BTRC: variants seen among roughly 807,000 people sequenced by gnomAD.
BTRC encodes the protein F-box/WD repeat-containing protein 1A.
Under a neutral mutation model 85.5 loss-of-function variants are expected in BTRC, and 42 were observed. That is an observed-to-expected ratio of 0.49 (90% CI 0.38 to 0.64). The LOEUF is 0.64. Ranked by LOEUF, BTRC falls within the 30% of genes least tolerant of loss-of-function variation. The probability of loss-of-function intolerance (pLI) is 0.00; values close to 1 mark genes in which losing one functional copy is unlikely to be tolerated. For missense variants in BTRC, 594 were observed against 743.5 expected, an observed-to-expected ratio of 0.80 and a Z score of 2.34; for synonymous variants, 255 against 263.3, an observed-to-expected ratio of 0.97 and a Z score of 0.30.
intron 3 of BTRC, among the ~76,000 whole-genome samples, chr10:101,470,573 G>A (rs1344374980): frequency 2.0e-5 from 3 of 151,958 alleles, no homozygotes; most frequent in Non-Finnish European, 4.4e-5. Context: ...CAGGTGATCC[G>A]ACCGCCTCAG....
At chr10:101,366,888 T>TAATA (rs1942423736) in intron 1 of BTRC, among the ~76,000 whole-genome samples, 1 of 24,648 alleles carries the variant, frequency 4.1e-5, no homozygotes, top group Non-Finnish European at 9.1e-5. Flanking sequence ...TTATATATAT[T>TAATA]TATATATATT....
intron 13 of BTRC, among the ~76,000 whole-genome samples, chr10:101,543,260 T>C (rs2062499641): frequency 6.6e-6 from 1 of 152,216 alleles, no homozygotes; most frequent in South Asian, 2.1e-4. Context: ...TTTTTAACAT[T>C]ATGAAATGTC....
chr10:101,457,470 A>G (rs762041956), intron 2 of BTRC, among the ~76,000 whole-genome samples: 1 of 152,224 alleles, frequency 6.6e-6, no homozygotes, highest in African/African-American at 2.4e-5. Context: ...AAAGGTGCAC[A>G]ATTGAAAACT....
chr10:101,391,951 G>A (rs924337859), intron 1 of BTRC, among the ~76,000 whole-genome samples: 4 of 152,116 alleles, frequency 2.6e-5, no homozygotes, highest in African/African-American at 9.7e-5. Context: ...TTAGAGAAGA[G>A]TCAATTGACA....
At chr10:101,529,777 G>A (rs2062252662) in intron 6 of BTRC, among the ~76,000 whole-genome samples, 1 of 152,178 alleles carries the variant, frequency 6.6e-6, no homozygotes, top group Non-Finnish European at 1.5e-5. Context: ...GGAGAGGGCA[G>A]GGGAGAAACA....
chr10:101,417,828 A>G (rs1477531635), intron 1 of BTRC, among the ~76,000 whole-genome samples: 2 of 152,070 alleles, frequency 1.3e-5, no homozygotes, highest in African/African-American at 4.8e-5. Flanking sequence ...GCGTGTCACC[A>G]TGGCTTCTTT....
chr10:101,470,329 C>CTTTTTTTTTTTT (rs950644281), intron 3 of BTRC, among the ~76,000 whole-genome samples: 13 of 94,896 alleles, frequency 1.4e-4, no homozygotes, highest in Admixed American at 2.2e-4. Flanking sequence ...ATTTTTCTTT[C>CTTTTTTTTTTTT]TTTTTTTTTT....
intron 4 of BTRC, among the ~76,000 whole-genome samples, chr10:101,516,473 A>G: frequency 6.6e-6 from 1 of 152,166 alleles, no homozygotes; most frequent in East Asian, 1.9e-4. Context: ...CCCATTTGTT[A>G]ATGGATCTCA....
intron 4 of BTRC, among the ~76,000 whole-genome samples, chr10:101,484,878 A>G (rs894989047): frequency 1.3e-5 from 2 of 152,234 alleles, no homozygotes; most frequent in African/African-American, 4.8e-5. Flanking sequence ...TTACAGAGAT[A>G]TACACAGTTA....
intron 1 of BTRC, among the ~76,000 whole-genome samples, chr10:101,390,681 G>C (rs1943215123): frequency 6.6e-6 from 1 of 151,640 alleles, no homozygotes. Context: ...AAAGACATTA[G>C]AGCAAATTTG....
rs771532056 is a variant in BTRC, at chr10:101,521,677, C to G, written c.363C>G (p.Pro121=). The G allele has an allele frequency of 2.5e-6, 4 of 1,614,082 alleles. No individual in the cohort carries two copies. In the South Asian group the frequency reaches 4.4e-5, roughly 18 times the overall value. Residue 121 remains proline (P), a synonymous_variant, in exon 5 of 15, where the codon CCC becomes CCG. Transcript: ENST00000370187. ...LANGTSSMIV[P]KQRKLSASYE... ...ATGGCACTTCCAGTATGATTGTGCC[C>G]AAGCAACGGAAACTCTCAGCAAGCT...
At chr10:101,383,962 G>A (rs563292762) in intron 1 of BTRC, among the ~76,000 whole-genome samples, 4 of 152,200 alleles carry the variant, frequency 2.6e-5, no homozygotes, top group South Asian at 4.1e-4. Context: ...TGATTCTTCC[G>A]TCTCAGCCTC....
intron 3 of BTRC, among the ~76,000 whole-genome samples, chr10:101,476,291 C>T (rs1379005642): frequency 6.6e-6 from 1 of 151,820 alleles, no homozygotes; most frequent in Non-Finnish European, 1.5e-5. Flanking sequence ...ATGTGGGATC[C>T]TAGATTAGAT....
At chr10:101,529,382 A>G (rs2062247330) in intron 6 of BTRC, among the ~76,000 whole-genome samples, 1 of 152,216 alleles carries the variant, frequency 6.6e-6, no homozygotes, top group African/African-American at 2.4e-5. Context: ...TTGCATAGGA[A>G]GAAAGTCTTG....
chr10:101,448,423 T>C (rs1944880837), intron 2 of BTRC, among the ~76,000 whole-genome samples: 1 of 152,090 alleles, frequency 6.6e-6, no homozygotes, highest in East Asian at 1.9e-4. Context: ...TCCAAGCTAA[T>C]CTGTTTTGGT....
chr10:101,414,684 A>G (rs1943878528), intron 1 of BTRC: 3 of 517,654 alleles, frequency 5.8e-6, no homozygotes, highest in Non-Finnish European at 1.2e-5. Flanking sequence ...CTATGAAGGT[A>G]GAAGACAGTG....
chr10:101,398,291 A>ATTTCTTTT (rs560142541), intron 1 of BTRC, among the ~76,000 whole-genome samples: 1 of 152,030 alleles, frequency 6.6e-6, no homozygotes, highest in East Asian at 1.9e-4. Flanking sequence ...TGTGTTGAAA[A>ATTTCTTTT]TTTCTTTTTT....
intron 4 of BTRC, among the ~76,000 whole-genome samples, chr10:101,485,560 C>G (rs941986344): frequency 2.6e-5 from 4 of 152,192 alleles, no homozygotes; most frequent in Non-Finnish European, 4.4e-5. Context: ...TTTTATTTTA[C>G]AAATCTAAAA....
intron 1 of BTRC, among the ~76,000 whole-genome samples, chr10:101,402,949 C>G (rs903510182): frequency 6.6e-6 from 1 of 152,142 alleles, no homozygotes; most frequent in East Asian, 1.9e-4. Flanking sequence ...TCAGTTTTAT[C>G]TGGTGTTTTC....
Sources: gnomAD v4.1 joint callset for allele counts (sites outside exome capture counted in the v4.1 genomes callset) on GRCh38, gnomAD v4.1.1 for gene constraint, MANE v1.5 for transcripts, NCBI Gene and HGNC (gene_info 2026-07-23, HGNC 2026-07-21) for gene names.